Variants in PKHD1L1 observed in about 807,000 individuals in gnomAD.
PKHD1L1 encodes the protein PKHD1 like 1, also known as fibrocystin-L.
Under a neutral mutation model 462.9 loss-of-function variants are expected in PKHD1L1, and 434 were observed. The observed-to-expected ratio is 0.94, with a 90% CI of 0.87 to 1.02. The LOEUF (loss-of-function observed/expected upper bound fraction) is 1.02. Ranked by LOEUF, PKHD1L1 falls within the 50% of genes least tolerant of loss-of-function variation. PKHD1L1 has a pLI of 0.00. For synonymous variants in PKHD1L1, 1,781 were observed against 1,750.0 expected (o/e 1.02, Z -0.44); for missense variants, 5,202 against 5,096.1 (o/e 1.02, Z -0.63).
At chr8:109,367,654 A>G (rs929538284) in intron 2 of PKHD1L1, among the ~76,000 whole-genome samples, 5 of 152,266 alleles carry the variant, frequency 3.3e-5, no homozygotes, top group African/African-American at 7.2e-5. Context: ...AAGCTAAGGC[A>G]GAAGGATCAC....
chr8:109,470,621 G>T lies in PKHD1L1; in HGVS notation c.8605+3852G>T, dbSNP rs1397744363. 4 of 1,566,318 alleles carry T rather than the reference G, an allele frequency of 2.6e-6. No homozygotes were observed. In the East Asian group the frequency reaches 6.8e-5, roughly 27 times the overall value. On this transcript the variant is annotated intron_variant, in intron 50 of 77. Transcript: ENST00000378402. ...GTTGATAAATTAAATGACTTGAATAGCTCAGTGTCCCAACTAGAATTGAAA... is the reference window on the plus strand; with the variant it reads ...GTTGATAAATTAAATGACTTGAATATCTCAGTGTCCCAACTAGAATTGAAA...
intron 21 of PKHD1L1, among the ~76,000 whole-genome samples, chr8:109,414,960 A>ACAT (rs547128456): frequency 0.01 from 1,258 of 122,366 alleles, 13 homozygotes; most frequent in East Asian, 0.018. Flanking sequence ...CATCATCCCA[A>ACAT]CATTATTATT....
chr8:109,465,026 T>A lies in PKHD1L1; in HGVS notation c.8194T>A (p.Phe2732Ile). ...CACAGCAAAAGGCCTGGTTCTCCCA[T>A]TTAGTGAAGGCTTGACTGTCTCTTC... is the stretch of plus-strand genomic sequence containing the variant. ...FCTAKGLVLP[F>I]SEGLTVSSVH... The change falls in exon 49 of 78, where the codon TTT (phenylalanine) becomes ATT (isoleucine). Residue 2732 changes from phenylalanine (F) to isoleucine (I), a missense_variant. Around this residue, in one of 3 missense-constraint regions of PKHD1L1, gnomAD observed 4,497 missense variants for 4,336.8 expected, o/e 1.04. Transcript: ENST00000378402. The A allele has an allele frequency of 6.2e-7, 1 of 1,613,824 alleles. No homozygotes were observed. The highest frequency in any genetic ancestry group is 8.5e-7 in the Non-Finnish European group (1 of 1,179,788).
At chr8:109,494,096 T>G (rs969289453) in intron 63 of PKHD1L1, among the ~76,000 whole-genome samples, 1 of 151,970 alleles carries the variant, frequency 6.6e-6, no homozygotes, top group African/African-American at 2.4e-5. Context: ...GCCATTATTT[T>G]AACTTCTGCT....
chr8:109,494,560 CAGA>C (rs1331111175), intron 63 of PKHD1L1, among the ~76,000 whole-genome samples: 27 of 151,874 alleles, frequency 1.8e-4, no homozygotes, highest in Admixed American at 6.6e-5. Flanking sequence ...AGAAAGAAAG[CAGA>C]AGAGTTCAAT....
intron 41 of PKHD1L1, 62 bp from the exon 42 acceptor site, chr8:109,452,062 T>A (rs1816552433): frequency 6.7e-7 from 1 of 1,481,956 alleles, no homozygotes; most frequent in Admixed American, 2.1e-5. Context: ...TAAAAGGGTT[T>A]GACAGTGTGA....
chr8:109,514,978 G>A (rs1166884988), intron 71 of PKHD1L1, among the ~76,000 whole-genome samples, 192 bp from the exon 72 acceptor site: 1 of 152,010 alleles, frequency 6.6e-6, no homozygotes, highest in Non-Finnish European at 1.5e-5. Flanking sequence ...TCAATTAAGG[G>A]TTAAGTTGTA....
intron 45 of PKHD1L1, among the ~76,000 whole-genome samples, chr8:109,455,066 G>A (rs755577513): frequency 2.0e-5 from 3 of 152,160 alleles, no homozygotes; most frequent in South Asian, 4.1e-4. Context: ...GGCCAGGTGC[G>A]GTGGCTCATA....
Position 109,536,446 on chromosome 8 carries a change from C to T in PKHD1L1, c.*6356C>T, listed in dbSNP as rs1348779248. ...ATGTACAAGATAGATTTACAAACTACTGTTTTATGTTGGTTGTATGAATTT... is the reference window on the plus strand; with the variant it reads ...ATGTACAAGATAGATTTACAAACTATTGTTTTATGTTGGTTGTATGAATTT... On this transcript the variant is annotated 3_prime_UTR_variant, in exon 78 of 78. Coordinates refer to ENST00000378402, the MANE Select transcript of PKHD1L1 (RefSeq NM_177531.6). Among the ~76,000 whole-genome samples, 1 of 152,160 alleles carries T rather than the reference C, an allele frequency of 6.6e-6. No homozygotes were observed. Among genetic ancestry groups the T allele is most frequent in the Non-Finnish European group, 1.5e-5 (1 of 68,022 alleles).
At chr8:109,513,749 T>C (rs1415463881) in intron 71 of PKHD1L1, among the ~76,000 whole-genome samples, 1 of 152,094 alleles carries the variant, frequency 6.6e-6, no homozygotes, top group Non-Finnish European at 1.5e-5. Context: ...TCTCTTTTGC[T>C]CACATTCCTC....
In PKHD1L1 at chr8:109,525,024, G is replaced by C. The variant is rs533996175; in HGVS notation, c.12484+1638G>C. Among the ~76,000 whole-genome samples the C allele has an allele frequency of 4.6e-5, 7 of 152,242 alleles. No homozygotes were observed. The South Asian group carries it at 1.5e-3, about 32-fold the overall frequency. On this transcript the variant is annotated intron_variant, in intron 76 of 77. Transcript: ENST00000378402. ...TTTTTAAATCAATTAGCCAGTTGTAGATTAACCACAGTAAAATTAGAATAA... is the reference window on the plus strand; with the variant it reads ...TTTTTAAATCAATTAGCCAGTTGTACATTAACCACAGTAAAATTAGAATAA...
intron 2 of PKHD1L1, among the ~76,000 whole-genome samples, chr8:109,370,667 A>C (rs1278298448): frequency 6.6e-6 from 1 of 151,724 alleles, no homozygotes; most frequent in Non-Finnish European, 1.5e-5. Flanking sequence ...CCTACCCCCA[A>C]CCCACAACAG....
In PKHD1L1 at chr8:109,404,629, T is replaced by A; in HGVS notation, c.1449T>A (p.Asn483Lys). 6.2e-7 allele frequency: 1 copy of A among 1,608,410 alleles called. No individual in the cohort carries two copies. Among genetic ancestry groups the A allele is most frequent in the Non-Finnish European group, 8.5e-7 (1 of 1,176,996 alleles). Reference sequence around the variant, plus strand: ...ATGTTGGACTGTACCAGTATCGAAATGTTTATACTGAACAACAAACAGGAG... The same window carrying A: ...ATGTTGGACTGTACCAGTATCGAAAAGTTTATACTGAACAACAAACAGGAG... Reference protein sequence around the residue: ...FVDVGLYQYRNVYTEQQTGDA... With the variant: ...FVDVGLYQYRKVYTEQQTGDA... The change falls in exon 15 of 78, where the codon AAT becomes AAA. Residue 483 changes from asparagine to lysine, a missense_variant. By Grantham distance (94) the Asn-to-Lys change is moderately conservative (BLOSUM62 0). Coordinates refer to ENST00000378402, the MANE Select transcript of PKHD1L1 (RefSeq NM_177531.6).
intron 23 of PKHD1L1, among the ~76,000 whole-genome samples, chr8:109,423,236 T>C (rs936427975): frequency 7.2e-5 from 11 of 152,250 alleles, no homozygotes; most frequent in African/African-American, 2.6e-4. Flanking sequence ...CCTGAGGATT[T>C]TTCTTTTTCT....
chr8:109,401,690 T>C, intron 14 of PKHD1L1, 102 bp downstream of exon 14: 2 of 569,434 alleles, frequency 3.5e-6, no homozygotes, highest in South Asian at 7.2e-5. Flanking sequence ...GAAGTGATAT[T>C]AGTTTATTGG....
chr8:109,394,528 G>A, intron 10 of PKHD1L1, 43 bp downstream of exon 10: 18 of 1,277,876 alleles, frequency 1.4e-5, no homozygotes, highest in Non-Finnish European at 1.9e-5. Context: ...GTGGTGGGAA[G>A]GCAGTGTATA....
At chr8:109,482,394 T>G (rs1226570334) in intron 56 of PKHD1L1, among the ~76,000 whole-genome samples, 1 of 151,818 alleles carries the variant, frequency 6.6e-6, no homozygotes, top group African/African-American at 2.4e-5. Flanking sequence ...AAAACATATC[T>G]GTAAAGAATA....
At chr8:109,503,539 T>G (rs1340264847) in intron 67 of PKHD1L1, among the ~76,000 whole-genome samples, 1 of 152,210 alleles carries the variant, frequency 6.6e-6, no homozygotes, top group Non-Finnish European at 1.5e-5. Context: ...AAAACATAAC[T>G]GATTTAAGAA....
intron 47 of PKHD1L1, among the ~76,000 whole-genome samples, chr8:109,460,163 T>A (rs866751399): frequency 2.0e-5 from 3 of 152,134 alleles, no homozygotes; most frequent in Non-Finnish European, 4.4e-5. Flanking sequence ...GATTCATTAT[T>A]ATGTTTAGAT....
Sources: gnomAD v4.1 joint callset for allele counts (sites outside exome capture counted in the v4.1 genomes callset) on GRCh38, gnomAD v4.1.1 for gene constraint, gnomAD v4.1.1 regional missense constraint, MANE v1.5 for transcripts, NCBI Gene and HGNC (gene_info 2026-07-23, HGNC 2026-07-21) for gene names.